The following TMEM178B variants were observed in gnomAD, a reference collection of about 807,000 sequenced individuals.
The protein encoded by TMEM178B is transmembrane protein 178B.
In TMEM178B, 5 loss-of-function variants were observed where a neutral mutation model predicts 31.0. The observed-to-expected ratio is 0.16, with a 90% CI of 0.08 to 0.34. The LOEUF (loss-of-function observed/expected upper bound fraction) is 0.34. Among genes scored for constraint, TMEM178B ranks in the 10% least tolerant of loss-of-function variants. The probability of loss-of-function intolerance (pLI) is 1.00; values close to 1 mark genes in which losing one functional copy is unlikely to be tolerated. For missense variants in TMEM178B, 275 were observed against 400.3 expected (o/e 0.69, Z 2.67); for synonymous variants, 164 against 164.0 (o/e 1.00, Z 0.00).
intron 2 of TMEM178B, among the ~76,000 whole-genome samples, chr7:141,279,941 T>G (rs1003413278): frequency 3.3e-5 from 5 of 152,276 alleles, no homozygotes; most frequent in African/African-American, 1.2e-4. Flanking sequence ...TACACAATAC[T>G]CTTTCAGTTG....
chr7:141,104,005 T>A (rs1183786021), intron 1 of TMEM178B, among the ~76,000 whole-genome samples: 1 of 152,156 alleles, frequency 6.6e-6, no homozygotes, highest in East Asian at 1.9e-4. Flanking sequence ...AAATAGAAAC[T>A]ATTTTCTTCT....
At chr7:141,115,121 C>A (rs886256232) in intron 1 of TMEM178B, among the ~76,000 whole-genome samples, 3 of 152,124 alleles carry the variant, frequency 2.0e-5, no homozygotes, top group Non-Finnish European at 4.4e-5. Context: ...TGGCTCACTG[C>A]AACCTCCGCC....
At chr7:141,180,220 C>T (rs903621896) in intron 1 of TMEM178B, among the ~76,000 whole-genome samples, 1 of 151,942 alleles carries the variant, frequency 6.6e-6, no homozygotes, top group Non-Finnish European at 1.5e-5. Flanking sequence ...GTGGCTCATG[C>T]CTATAATTCC....
chr7:141,086,695 CTTTA>C (rs1018583840), intron 1 of TMEM178B, among the ~76,000 whole-genome samples: 3 of 152,156 alleles, frequency 2.0e-5, no homozygotes, highest in South Asian at 2.1e-4. Context: ...ATCTGTGATA[CTTTA>C]TTTATTTATT....
intron 2 of TMEM178B, among the ~76,000 whole-genome samples, chr7:141,338,446 A>G (rs922484211): frequency 6.6e-6 from 1 of 152,196 alleles, no homozygotes; most frequent in Non-Finnish European, 1.5e-5. Context: ...TCTGGCCAGA[A>G]ACATCTTATT....
At chr7:141,324,938 A>G (rs1238653594) in intron 2 of TMEM178B, among the ~76,000 whole-genome samples, 3 of 152,116 alleles carry the variant, frequency 2.0e-5, no homozygotes, top group Admixed American at 2.0e-4. Flanking sequence ...TTGTGACAGC[A>G]TCGTGGTTGC....
chr7:141,227,923 G>A (rs1334236329), intron 2 of TMEM178B, among the ~76,000 whole-genome samples: 1 of 152,174 alleles, frequency 6.6e-6, no homozygotes, highest in African/African-American at 2.4e-5. Flanking sequence ...CTAACTATGG[G>A]TGTGGAATAT....
chr7:141,247,812 A>G (rs1189902269), intron 2 of TMEM178B, among the ~76,000 whole-genome samples: 1 of 152,168 alleles, frequency 6.6e-6, no homozygotes, highest in Non-Finnish European at 1.5e-5. Flanking sequence ...AGTATTTCCT[A>G]GGATATACAT....
intron 2 of TMEM178B, among the ~76,000 whole-genome samples, chr7:141,283,358 A>T (rs564319192): frequency 3.9e-5 from 6 of 152,216 alleles, no homozygotes; most frequent in African/African-American, 1.2e-4. Flanking sequence ...TGAAGATATC[A>T]GTCTTCCAGA....
intron 2 of TMEM178B, among the ~76,000 whole-genome samples, chr7:141,375,915 CAGG>C (rs1800204814): frequency 6.6e-6 from 1 of 152,168 alleles, no homozygotes; most frequent in Non-Finnish European, 1.5e-5. Context: ...CATCGGCCTG[CAGG>C]AGTTCATATG....
downstream of TMEM178B, among the ~76,000 whole-genome samples, chr7:141,482,881 T>C (rs1217486356): frequency 6.9e-6 from 1 of 144,566 alleles, no homozygotes; most frequent in Non-Finnish European, 1.5e-5. Context: ...TCACCTAGCC[T>C]TGATGTCCAG....
At chr7:141,253,866 A>C (rs1797876360) in intron 2 of TMEM178B, among the ~76,000 whole-genome samples, 1 of 152,050 alleles carries the variant, frequency 6.6e-6, no homozygotes, top group Admixed American at 6.6e-5. Flanking sequence ...TCATTTTTGA[A>C]GGCTCTACAA....
intron 2 of TMEM178B, among the ~76,000 whole-genome samples, chr7:141,347,429 G>A (rs967272886): frequency 5.9e-5 from 9 of 152,192 alleles, no homozygotes; most frequent in South Asian, 2.1e-4. Context: ...ACAGTCTCTC[G>A]GGTCTCCTGG....
chr7:141,467,980 A>AG (rs1371427988), intron 3 of TMEM178B, among the ~76,000 whole-genome samples: 1 of 151,828 alleles, frequency 6.6e-6, no homozygotes, highest in Non-Finnish European at 1.5e-5. Flanking sequence ...TCAAAAAAAA[A>AG]AAAAAAAAGC....
chr7:141,108,706 G>A (rs1795185361), intron 1 of TMEM178B, among the ~76,000 whole-genome samples: 1 of 152,140 alleles, frequency 6.6e-6, no homozygotes, highest in Non-Finnish European at 1.5e-5. Context: ...GAGGGCTGTG[G>A]TCCCAGGTAT....
chr7:141,229,125 G>GTC lies in TMEM178B; in HGVS notation c.496+16422_496+16423insCT, dbSNP rs371442375. Among the ~76,000 whole-genome samples, 274 of 147,444 alleles carry GTC rather than the reference G, an allele frequency of 1.9e-3. 21 individuals carry two copies. The highest frequency in any genetic ancestry group is 6.8e-3 in the Middle Eastern group (2 of 292). ...GGTGTGTGTGTGTGTGTGTGTGTGT[G>GTC]TGTGTGAAACTTTTTTTTCATGGGT... is the stretch of plus-strand genomic sequence containing the variant. On this transcript the variant is annotated intron_variant, in intron 2 of 3. Coordinates refer to ENST00000565468, the MANE Select transcript of TMEM178B (RefSeq NM_001195278.2).
intron 2 of TMEM178B, among the ~76,000 whole-genome samples, chr7:141,336,995 AT>A (rs1563155251): frequency 1.1e-5 from 1 of 89,100 alleles, no homozygotes. Flanking sequence ...CATCACTACC[AT>A]CATCATCACC....
chr7:141,128,513 G>T (rs1286694089), intron 1 of TMEM178B, among the ~76,000 whole-genome samples: 2 of 151,602 alleles, frequency 1.3e-5, no homozygotes, highest in Non-Finnish European at 2.9e-5. Context: ...GGCTATTTTG[G>T]CTGTAACATC....
At chr7:141,500,785 C>T in the TMEM178B span, among the ~76,000 whole-genome samples, 2 of 152,312 alleles carry the variant, frequency 1.3e-5, no homozygotes, top group African/African-American at 2.4e-5. Context: ...TAGATCCACC[C>T]TCAACCCAGA....
Sources: allele counts gnomAD v4.1 joint callset (sites outside exome capture counted in the v4.1 genomes callset), GRCh38; gene constraint gnomAD v4.1.1; transcripts MANE v1.5; gene names NCBI Gene and HGNC (gene_info 2026-07-23, HGNC 2026-07-21).